WDR3: variants seen among roughly 807,000 people sequenced by gnomAD.
The protein encoded by WDR3 is WD repeat-containing protein 3.
A neutral mutation model predicts 123.7 loss-of-function variants in WDR3; 81 were observed. That is an observed-to-expected ratio of 0.65 (90% CI 0.55 to 0.79). The LOEUF (loss-of-function observed/expected upper bound fraction) is 0.79. WDR3 is among the 30% of genes least tolerant of loss of function. WDR3 has a pLI of 0.00. For synonymous variants in WDR3, 390 were observed against 388.8 expected, an observed-to-expected ratio of 1.00 and a Z score of -0.04; for missense variants, 1,027 against 1,123.2, an observed-to-expected ratio of 0.91 and a Z score of 1.22.
chr1:117,952,050 C>G lies in WDR3; in HGVS notation c.1878C>G (p.His626Gln), dbSNP rs746080767. 1.2e-6 allele frequency: 2 copies of G among 1,613,372 alleles called. No individual in the cohort carries two copies. The highest frequency in any genetic ancestry group is 1.1e-5 in the South Asian group (1 of 91,054). The change falls in exon 17 of 27, where the codon CAC becomes CAG. Residue 626 changes from histidine to glutamine, a missense_variant. Physicochemically the swap from His to Gln is conservative, Grantham distance 24. Coordinates refer to ENST00000349139, the MANE Select transcript of WDR3 (RefSeq NM_006784.3). ...GGGGTTTGGACTTTGGGGACTGCCA[C>G]AAGTCTCTCTTTGCACATGATGACA... ...KIWGLDFGDC[H>Q]KSLFAHDDSV...
intron 11 of WDR3, 59 bp downstream of exon 11, chr1:117,943,685 G>C: frequency 6.7e-7 from 1 of 1,503,438 alleles, no homozygotes. Flanking sequence ...AATTTTTTTT[G>C]GTACTCTTAA....
chr1:117,930,009 C>G (rs1375939893), intron 1 of WDR3: 2 of 152,494 alleles, frequency 1.3e-5, no homozygotes, highest in African/African-American at 2.4e-5. Flanking sequence ...GCTGCCTGAC[C>G]GTGCGTGTGC....
chr1:117,959,207 GC>G, intron 26 of WDR3, 84 bp from the exon 27 acceptor site: 1 of 1,497,512 alleles, frequency 6.7e-7, no homozygotes, highest in Non-Finnish European at 9.0e-7. Context: ...AACACCTGAA[GC>G]TTTGGTTACC....
chr1:117,934,767 G>C, intron 3 of WDR3, 85 bp downstream of exon 3: 1 of 1,427,728 alleles, frequency 7.0e-7, no homozygotes, highest in Non-Finnish European at 9.6e-7. Flanking sequence ...AAAATTGTCA[G>C]GTAAAACAAT....
In WDR3 at chr1:117,966,539, T is replaced by G; in HGVS notation, c.*7092T>G. 4 of 1,349,978 alleles carry G rather than the reference T, an allele frequency of 3.0e-6. No individual in the cohort carries two copies. In the South Asian group the frequency reaches 7.4e-5, roughly 25 times the overall value. 83.6% of individuals were successfully genotyped at this position (1,349,978 alleles called of 1,614,324 possible). On this transcript the variant is annotated 3_prime_UTR_variant, in exon 27 of 27. Transcript: ENST00000349139. ...TAATAAAGTAGAGATGCATTTTGAC[T>G]TCCATGTTTTCCTCACTCGTGTAAT...
At chr1:117,938,233 C>T (rs949015661) in intron 4 of WDR3, among the ~76,000 whole-genome samples, 1 of 152,096 alleles carries the variant, frequency 6.6e-6, no homozygotes, top group Non-Finnish European at 1.5e-5. Context: ...ATTCTGTATT[C>T]TTTGGTACTC....
At chr1:117,942,325 T>C in intron 9 of WDR3, 112 bp from the exon 10 acceptor site, 1 of 843,678 alleles carries the variant, frequency 1.2e-6, no homozygotes, top group East Asian at 2.5e-5. Flanking sequence ...GTTAAGTGAC[T>C]TTTCCAGAAT....
rs1207682523 is a variant in WDR3 at position 117,961,286 on chromosome 1, AAATAAT to A, written c.*1844_*1849del. On this transcript the variant is annotated 3_prime_UTR_variant, in exon 27 of 27. Coordinates refer to ENST00000349139, the MANE Select transcript of WDR3 (RefSeq NM_006784.3). ...GCAACACAGTGAGACTCCATCTCCA[AAATAAT>A]AATAGTAAAAAAAAATCTGTATAAC... 2.0e-5 allele frequency: 3 copies of A among 152,212 alleles called. No individual in the cohort carries two copies. The highest frequency in any genetic ancestry group is 7.2e-5 in the African/African-American group (3 of 41,450). 9.4% of individuals were successfully genotyped at this position (152,212 alleles called of 1,614,324 possible). A position where few individuals can be genotyped will look rare whatever the true frequency, so the allele number is the denominator to read the frequency against.
chr1:117,943,382 A>G lies in WDR3; in HGVS notation c.1098-14A>G. 1 of 1,604,378 alleles carries G rather than the reference A, an allele frequency of 6.2e-7. No individual in the cohort carries two copies. The highest frequency in any genetic ancestry group is 8.5e-7 in the Non-Finnish European group (1 of 1,173,552). ...GATGGTAGCTAGAACATTTATGATT[A>G]TTTTCTTGTACAGGTCCTTTGACTT... On this transcript the variant is annotated splice_polypyrimidine_tract_variant and intron_variant, in intron 10 of 26. Coordinates refer to ENST00000349139, the MANE Select transcript of WDR3 (RefSeq NM_006784.3).
rs1651630639 is a variant in WDR3 at position 117,951,977 on chromosome 1, A to C, written c.1805A>C (p.Asp602Ala). The C allele has an allele frequency of 6.2e-7, 1 of 1,612,170 alleles. No individual in the cohort carries two copies. Among genetic ancestry groups the C allele is most frequent in the African/African-American group, 1.3e-5 (1 of 74,792 alleles). Residue 602 changes from aspartate to alanine, a missense_variant and splice_region_variant, in exon 17 of 27, where the codon GAT (aspartate) becomes GCT (alanine). Physicochemically the swap from Asp to Ala is moderately radical, Grantham distance 126 (BLOSUM62 -2). Coordinates refer to ENST00000349139, the MANE Select transcript of WDR3 (RefSeq NM_006784.3). The part of the protein sequence containing the change: ...LPVICMDISH[D>A]GALIATGSAD... ...GTGTTTTACTTTTATTTCTCATAGG[A>C]TGGAGCACTCATAGCAACTGGCTCC...
In WDR3 at chr1:117,952,383, A is replaced by G. The variant is rs770636349; in HGVS notation, c.1991A>G (p.Lys664Arg). ...AAGATTAAACAGTGGGATGCAGACAAATTTGAACACATACAGACTCTGGAG... is the reference window on the plus strand; with the variant it reads ...AAGATTAAACAGTGGGATGCAGACAGATTTGAACACATACAGACTCTGGAG... ...DHKIKQWDAD[K>R]FEHIQTLEGH... Residue 664 changes from lysine (K) to arginine (R), a missense_variant, in exon 18 of 27, where the codon AAA becomes AGA. Coordinates refer to ENST00000349139, the MANE Select transcript of WDR3 (RefSeq NM_006784.3). 49 of 1,613,158 alleles carry G rather than the reference A, an allele frequency of 3.0e-5. No individual in the cohort carries two copies. The highest frequency in any genetic ancestry group is 3.7e-5 in the Non-Finnish European group (44 of 1,179,494).
chr1:117,954,193 A>G, intron 22 of WDR3, 94 bp downstream of exon 22: 1 of 1,006,818 alleles, frequency 9.9e-7, no homozygotes, highest in Non-Finnish European at 1.5e-6. Context: ...AGATCAGGAT[A>G]TGCAATAAAT....
chr1:117,954,308 G>A (rs1651842741), intron 22 of WDR3, among the ~76,000 whole-genome samples: 1 of 152,036 alleles, frequency 6.6e-6, no homozygotes. Context: ...TACAGATTGA[G>A]GTGATTATTG....
At chr1:117,954,513 C>G (rs1055301870) in intron 22 of WDR3, 67 bp from the exon 23 acceptor site, 2 of 1,435,856 alleles carry the variant, frequency 1.4e-6, no homozygotes, top group African/African-American at 2.9e-5. Flanking sequence ...AGTTACCACT[C>G]TGTCTATAAC....
At chr1:117,945,275 C>T (rs1481449392) in intron 11 of WDR3, among the ~76,000 whole-genome samples, 1 of 152,182 alleles carries the variant, frequency 6.6e-6, no homozygotes, top group Non-Finnish European at 1.5e-5. Flanking sequence ...CTCTACCTAC[C>T]TTACACACCT....
chr1:117,940,971 G>T, intron 7 of WDR3, 31 bp downstream of exon 7: 1 of 1,596,018 alleles, frequency 6.3e-7, no homozygotes, highest in East Asian at 2.2e-5. Context: ...AAGTTTAATT[G>T]TGTTGAATAA....
Position 117,957,197 on chromosome 1 carries a change from G to A in WDR3, c.2582+1G>A, listed in dbSNP as rs200383662. 8.3e-5 allele frequency: 133 copies of A among 1,608,036 alleles called. No homozygotes were observed. Among genetic ancestry groups the A allele is most frequent in the Non-Finnish European group, 8.6e-5 (101 of 1,177,992 alleles). On this transcript the variant is annotated splice_donor_variant, in intron 25 of 26. Coordinates refer to ENST00000349139, the MANE Select transcript of WDR3 (RefSeq NM_006784.3). LOFTEE classifies it high-confidence loss of function. ...GCCGGTGCCTCTTCTTCCTCCTTAG[G>A]TAACATCCTTTTCCAAAGAATACCA...
At chr1:117,958,837 T>C (rs1368652016) in intron 25 of WDR3, 73 bp from the exon 26 acceptor site, 4 of 1,077,722 alleles carry the variant, frequency 3.7e-6, no homozygotes, top group Middle Eastern at 4.1e-4. Context: ...ATTGTGTCTG[T>C]TTACTGTTTC....
chr1:117,959,895 CA>C lies in WDR3; in HGVS notation c.*449del, dbSNP rs1373343396. 6.6e-6 allele frequency: 1 copy of C among 152,514 alleles called. No individual in the cohort carries two copies. The highest frequency in any genetic ancestry group is 1.5e-5 in the Non-Finnish European group (1 of 68,380). The allele number at this position is 152,514 out of a possible 1,614,324, so 9.4% of individuals were successfully genotyped here. A position where few individuals can be genotyped will look rare whatever the true frequency, so the allele number is the denominator to read the frequency against. On this transcript the variant is annotated 3_prime_UTR_variant, in exon 27 of 27. Transcript: ENST00000349139. ...GGTGCATAATTGATTGCCCTTTGGC[CA>C]TAAAAATGCAGTGTCATGGATCTTA...
Sources: allele counts gnomAD v4.1 joint callset (sites outside exome capture counted in the v4.1 genomes callset), GRCh38; gene constraint gnomAD v4.1.1; transcripts MANE v1.5; gene names NCBI Gene and HGNC (gene_info 2026-07-23, HGNC 2026-07-21).